Variants in WWOX observed in about 807,000 individuals in gnomAD.
WWOX encodes the protein WW domain-containing oxidoreductase.
A neutral mutation model predicts 46.2 loss-of-function variants in WWOX; 69 were observed. The ratio of observed to expected loss-of-function variants is 1.49; its 90% confidence interval spans 1.23 to 1.82. The LOEUF is 1.82. WWOX is among the 40% of genes most tolerant of loss of function. The pLI, the probability that WWOX is intolerant of heterozygous loss-of-function variation, is 0.00. For missense variants in WWOX, 919 were observed against 542.6 expected, an observed-to-expected ratio of 1.69 and a Z score of -6.89; for synonymous variants, 359 against 202.6, an observed-to-expected ratio of 1.77 and a Z score of -6.56.
intron 8 of WWOX, among the ~76,000 whole-genome samples, chr16:78,595,343 C>G (rs530899382): frequency 6.6e-6 from 1 of 151,860 alleles, no homozygotes; most frequent in Non-Finnish European, 1.5e-5. Flanking sequence ...GTTTTTCTTG[C>G]TCACATGTGA....
At chr16:79,082,476 C>T (rs2048778773) in intron 8 of WWOX, among the ~76,000 whole-genome samples, 1 of 152,166 alleles carries the variant, frequency 6.6e-6, no homozygotes, top group South Asian at 2.1e-4. Flanking sequence ...CTTCTCTGGC[C>T]ACTTTATAGA....
chr16:79,012,606 T>TAA, intron 8 of WWOX, among the ~76,000 whole-genome samples: 1 of 152,312 alleles, frequency 6.6e-6, no homozygotes, highest in South Asian at 2.1e-4. Flanking sequence ...GCTACTCTAA[T>TAA]GAGTGGTGCA....
At chr16:78,426,612 G>T (rs1020926781) in intron 7 of WWOX, among the ~76,000 whole-genome samples, 1 of 152,116 alleles carries the variant, frequency 6.6e-6, no homozygotes, top group Admixed American at 6.5e-5. Flanking sequence ...CTGTGTGATG[G>T]CTGGCACTGG....
chr16:78,719,249 C>A (rs1049292681), intron 8 of WWOX, among the ~76,000 whole-genome samples: 1 of 152,212 alleles, frequency 6.6e-6, no homozygotes, highest in Admixed American at 6.5e-5. Context: ...GGCATACGAA[C>A]TTCCACACAA....
At chr16:78,799,077 T>C (rs2050817971) in intron 8 of WWOX, among the ~76,000 whole-genome samples, 1 of 152,244 alleles carries the variant, frequency 6.6e-6, no homozygotes, top group South Asian at 2.1e-4. Flanking sequence ...ATCCATTTTG[T>C]CACAATAAGT....
At chr16:78,192,328 C>G (rs1309385698) in intron 5 of WWOX, among the ~76,000 whole-genome samples, 2 of 152,046 alleles carry the variant, frequency 1.3e-5, no homozygotes, top group South Asian at 2.1e-4. Context: ...AACTCCGTCT[C>G]TACTAAAAAT....
At chr16:78,297,830 C>T (rs1402180336) in intron 5 of WWOX, among the ~76,000 whole-genome samples, 1 of 152,058 alleles carries the variant, frequency 6.6e-6, no homozygotes, top group Non-Finnish European at 1.5e-5. Context: ...GGAAACTGTG[C>T]AGGAGTTCCA....
intron 8 of WWOX, among the ~76,000 whole-genome samples, chr16:78,637,558 G>C (rs557797190): frequency 1.3e-5 from 2 of 152,296 alleles, no homozygotes; most frequent in African/African-American, 4.8e-5. Context: ...TGGAAATTCG[G>C]TTGCTTTGGA....
chr16:78,462,091 A>G (rs955046970), intron 8 of WWOX, among the ~76,000 whole-genome samples: 1 of 152,216 alleles, frequency 6.6e-6, no homozygotes, highest in African/African-American at 2.4e-5. Context: ...GCAGTCATAT[A>G]TTAGAATGCT....
chr16:78,880,782 C>A (rs141291640), intron 8 of WWOX, among the ~76,000 whole-genome samples: 1 of 152,230 alleles, frequency 6.6e-6, no homozygotes, highest in Admixed American at 6.5e-5. Flanking sequence ...CTAACTGTAT[C>A]AAATGGAAAG....
chr16:78,400,874 T>A (rs9673699), intron 6 of WWOX, among the ~76,000 whole-genome samples: 46,400 of 152,208 alleles, frequency 0.3, 13,141 homozygotes, highest in African/African-American at 0.75. Context: ...CCCAGACTGG[T>A]GTGCAGTGGC....
intron 8 of WWOX, among the ~76,000 whole-genome samples, chr16:78,811,852 C>G (rs1397503024): frequency 1.3e-5 from 2 of 152,168 alleles, no homozygotes; most frequent in Non-Finnish European, 2.9e-5. Context: ...AACACTTGGT[C>G]AAGTTACTTA....
chr16:78,995,324 C>T (rs868516831), intron 8 of WWOX, among the ~76,000 whole-genome samples: 1 of 152,104 alleles, frequency 6.6e-6, no homozygotes, highest in African/African-American at 2.4e-5. Flanking sequence ...CAATTCCCTC[C>T]CCTCTCCTGC....
chr16:78,812,537 C>G (rs984658015), intron 8 of WWOX, among the ~76,000 whole-genome samples: 8 of 151,916 alleles, frequency 5.3e-5, no homozygotes, highest in Non-Finnish European at 1.0e-4. Context: ...GCCTGGCCAA[C>G]ATGGCGAAAC....
At chr16:78,677,188 G>A (rs943433946) in intron 8 of WWOX, among the ~76,000 whole-genome samples, 1 of 152,054 alleles carries the variant, frequency 6.6e-6, no homozygotes, top group Non-Finnish European at 1.5e-5. Context: ...GCATGAGGGG[G>A]TCCCAGGCAA....
intron 8 of WWOX, among the ~76,000 whole-genome samples, chr16:78,841,736 C>T (rs539214199): frequency 2.0e-5 from 3 of 152,106 alleles, no homozygotes; most frequent in East Asian, 3.9e-4. Context: ...GAGAAGTTAC[C>T]TTTGAAAATG....
At chr16:78,289,759 C>G (rs1049006942) in intron 5 of WWOX, among the ~76,000 whole-genome samples, 5 of 152,044 alleles carry the variant, frequency 3.3e-5, no homozygotes, top group African/African-American at 1.2e-4. Flanking sequence ...TTTATACTGG[C>G]TAGGATGGTC....
chr16:79,121,530 C>T (rs923215865), intron 8 of WWOX, among the ~76,000 whole-genome samples: 1 of 152,130 alleles, frequency 6.6e-6, no homozygotes, highest in Non-Finnish European at 1.5e-5. Context: ...CATAGACACT[C>T]GTCTACTTGA....
intron 8 of WWOX, among the ~76,000 whole-genome samples, chr16:78,512,889 T>G (rs1407973565): frequency 6.6e-6 from 1 of 152,206 alleles, no homozygotes; most frequent in Non-Finnish European, 1.5e-5. Context: ...AATCTGGATC[T>G]GCGTGTTACC....
Sources: allele counts gnomAD v4.1 joint callset (sites outside exome capture counted in the v4.1 genomes callset), GRCh38; gene constraint gnomAD v4.1.1; transcripts MANE v1.5; gene names NCBI Gene and HGNC (gene_info 2026-07-23, HGNC 2026-07-21).